Variants in NFATC2 observed in about 807,000 individuals in gnomAD.
NFATC2 encodes nuclear factor of activated T cells 2, also known as nuclear factor of activated T-cells, cytoplasmic 2.
Under a neutral mutation model 87.3 loss-of-function variants are expected in NFATC2, and 22 were observed. That is an observed-to-expected ratio of 0.25 (90% CI 0.18 to 0.36). The LOEUF (loss-of-function observed/expected upper bound fraction) is 0.36. NFATC2 is among the 10% of genes least tolerant of loss of function. The probability of loss-of-function intolerance (pLI) is 1.00; values close to 1 mark genes in which losing one functional copy is unlikely to be tolerated. For missense variants in NFATC2, 1,149 were observed against 1,259.1 expected (o/e 0.91, Z 1.32); for synonymous variants, 565 against 542.2 (o/e 1.04, Z -0.58).
chr20:51,518,012 T>C (rs1430710863), intron 2 of NFATC2, among the ~76,000 whole-genome samples: 1 of 151,954 alleles, frequency 6.6e-6, no homozygotes, highest in African/African-American at 2.4e-5. Flanking sequence ...ATGGGGGGCA[T>C]GATTGTATGT....
chr20:51,442,914 G>A (rs1984560976), intron 6 of NFATC2, among the ~76,000 whole-genome samples: 2 of 152,146 alleles, frequency 1.3e-5, no homozygotes, highest in South Asian at 4.2e-4. Flanking sequence ...AGGGAGGCAG[G>A]GCCGAACATT....
At chr20:51,518,406 G>A (rs1211812223) in intron 2 of NFATC2, among the ~76,000 whole-genome samples, 1 of 152,092 alleles carries the variant, frequency 6.6e-6, no homozygotes, top group Non-Finnish European at 1.5e-5. Context: ...GGAGCCCAGG[G>A]GGTAGCACCT....
At position 51,432,203 on chromosome 20, in the gene NFATC2, T is replaced by C. The variant is rs997266756; in HGVS notation, c.2586A>G (p.Thr862=). ...GQRLSPGSYP[T]VIQQQNATSQ... Reference sequence around the variant, plus strand: ...TCGTGGCATTCTGCTGCTGAATGACTGTGGGGTAGGAACCCGGGCTCAGCC... The same window carrying C: ...TCGTGGCATTCTGCTGCTGAATGACCGTGGGGTAGGAACCCGGGCTCAGCC... The change falls in exon 9 of 11, where the codon ACA becomes ACG. Residue 862 remains threonine (T), a synonymous_variant. Coordinates refer to ENST00000371564, the MANE Select transcript of NFATC2 (RefSeq NM_012340.5). The surrounding 1 kb of genome is among the most constrained non-coding windows in gnomAD (Gnocchi z 4.6). 1 of 1,613,194 alleles carries C rather than the reference T, an allele frequency of 6.2e-7. No homozygotes were observed. Among genetic ancestry groups the C allele is most frequent in the Non-Finnish European group, 8.5e-7 (1 of 1,179,396 alleles).
chr20:51,540,663 T>TTTTTTTTTTTTTTGTTTTTTTTG (rs1555818354), intron 1 of NFATC2, among the ~76,000 whole-genome samples: 2 of 135,692 alleles, frequency 1.5e-5, no homozygotes, highest in East Asian at 2.3e-4. Flanking sequence ...TTTTTGTTTT[T>TTTTTTTTTTTTTTGTTTTTTTTG]TTTTTTTTGA....
intron 6 of NFATC2, among the ~76,000 whole-genome samples, chr20:51,436,750 GTAAA>G (rs913635542): frequency 2.6e-5 from 4 of 151,832 alleles, no homozygotes; most frequent in African/African-American, 4.8e-5. Flanking sequence ...AAATAAATAA[GTAAA>G]TAAATAAGTA....
At chr20:51,521,324 T>C (rs963220856) in intron 2 of NFATC2, among the ~76,000 whole-genome samples, 7 of 151,028 alleles carry the variant, frequency 4.6e-5, no homozygotes, top group Non-Finnish European at 8.9e-5. Flanking sequence ...CAATTTTTAT[T>C]TTTATTTTTT....
At chr20:51,476,585 T>G (rs1295520352) in intron 3 of NFATC2, among the ~76,000 whole-genome samples, 1 of 152,184 alleles carries the variant, frequency 6.6e-6, no homozygotes. Context: ...TGATTCCTTT[T>G]GCCTAAGTCT....
intron 6 of NFATC2, among the ~76,000 whole-genome samples, chr20:51,438,684 G>A (rs1568978122): frequency 1.3e-5 from 2 of 152,158 alleles, no homozygotes; most frequent in African/African-American, 4.8e-5. Context: ...GTCAAGGGAC[G>A]CAACACGAAG....
intron 1 of NFATC2, among the ~76,000 whole-genome samples, chr20:51,535,324 G>A (rs1013613458): frequency 2.0e-5 from 3 of 152,350 alleles, no homozygotes; most frequent in Non-Finnish European, 2.9e-5. Flanking sequence ...ACCTCTGCGA[G>A]TTTGGTCTCT....
At chr20:51,451,971 G>A (rs2146416963) in intron 6 of NFATC2, among the ~76,000 whole-genome samples, 1 of 152,272 alleles carries the variant, frequency 6.6e-6, no homozygotes, top group Non-Finnish European at 1.5e-5. Context: ...TAAATGTAAT[G>A]TGCTTGAATC....
At chr20:51,395,084 T>C (rs1352918477) in intron 10 of NFATC2, among the ~76,000 whole-genome samples, 1 of 152,240 alleles carries the variant, frequency 6.6e-6, no homozygotes, top group East Asian at 1.9e-4. Context: ...GTTGCTGATC[T>C]GTTACTTGTT....
At chr20:51,445,969 G>C (rs1193197174) in intron 6 of NFATC2, among the ~76,000 whole-genome samples, 1 of 152,170 alleles carries the variant, frequency 6.6e-6, no homozygotes, top group Non-Finnish European at 1.5e-5. Context: ...TGTCATCTGT[G>C]GATGATCCCC....
At chr20:51,491,099 A>G (rs550249292) in intron 3 of NFATC2, among the ~76,000 whole-genome samples, 41 of 152,200 alleles carry the variant, frequency 2.7e-4, no homozygotes, top group Non-Finnish European at 3.5e-4. Context: ...AAAAAGTACC[A>G]CTGCCTGCCC....
chr20:51,533,112 G>A (rs1031605393), intron 1 of NFATC2, among the ~76,000 whole-genome samples: 6 of 152,228 alleles, frequency 3.9e-5, no homozygotes, highest in South Asian at 4.1e-4. Flanking sequence ...ATCTGTAGCC[G>A]GAGGAAAGGG....
intron 6 of NFATC2, 55 bp downstream of exon 6, chr20:51,454,493 T>C (rs1473598738): frequency 6.3e-7 from 1 of 1,597,234 alleles, no homozygotes; most frequent in Non-Finnish European, 8.5e-7. Context: ...AATAAAGAGA[T>C]GGTCACTTTT....
chr20:51,414,448 G>A (rs150855256), intron 9 of NFATC2, among the ~76,000 whole-genome samples: 1 of 152,244 alleles, frequency 6.6e-6, no homozygotes, highest in Non-Finnish European at 1.5e-5. Context: ...CAGCACTTTG[G>A]GAGGCCGAGG....
chr20:51,439,955 G>A (rs1984088491), intron 6 of NFATC2, among the ~76,000 whole-genome samples: 1 of 152,114 alleles, frequency 6.6e-6, no homozygotes, highest in Non-Finnish European at 1.5e-5. Flanking sequence ...AAATGTTCAG[G>A]GCCGGGCAAA....
chr20:51,413,801 A>T (rs1979636482), intron 9 of NFATC2, among the ~76,000 whole-genome samples: 1 of 152,162 alleles, frequency 6.6e-6, no homozygotes, highest in African/African-American at 2.4e-5. Context: ...AAACAAAACT[A>T]AAGAACATGT....
At chr20:51,464,191 G>T (rs1987438828) in intron 5 of NFATC2, among the ~76,000 whole-genome samples, 1 of 152,162 alleles carries the variant, frequency 6.6e-6, no homozygotes, top group South Asian at 2.1e-4. Flanking sequence ...CAGAACTACG[G>T]GAGGGCTGCA....
Sources: gnomAD v4.1 joint callset for allele counts (sites outside exome capture counted in the v4.1 genomes callset) on GRCh38, gnomAD v4.1.1 for gene constraint, Gnocchi (gnomAD v3.1) non-coding constraint, MANE v1.5 for transcripts, NCBI Gene and HGNC (gene_info 2026-07-23, HGNC 2026-07-21) for gene names.